MAN1A2: variants seen among roughly 807,000 people sequenced by gnomAD.
MAN1A2 encodes the protein mannosyl-oligosaccharide 1,2-alpha-mannosidase IB.
MAN1A2 carries 26 observed loss-of-function variants against 75.7 expected under a neutral mutation model. The observed-to-expected ratio is 0.34, with a 90% CI of 0.25 to 0.48. The LOEUF (loss-of-function observed/expected upper bound fraction) is 0.48. Among genes scored for constraint, MAN1A2 ranks in the 20% least tolerant of loss-of-function variants. The pLI is 0.99. For missense variants in MAN1A2, 562 were observed against 775.5 expected, an observed-to-expected ratio of 0.72 and a Z score of 3.27; for synonymous variants, 247 against 264.6, an observed-to-expected ratio of 0.93 and a Z score of 0.65.
intron 1 of MAN1A2, among the ~76,000 whole-genome samples, chr1:117,375,605 A>G (rs1365241558): frequency 6.6e-6 from 1 of 152,192 alleles, no homozygotes; most frequent in Admixed American, 6.5e-5. Flanking sequence ...TTTGTTCAGC[A>G]AGTGTTTTGA....
intron 5 of MAN1A2, among the ~76,000 whole-genome samples, chr1:117,432,654 T>C (rs1648708307): frequency 1.3e-5 from 2 of 152,142 alleles, no homozygotes. Context: ...CCAAGTTAAA[T>C]GGCTTTATTG....
intron 6 of MAN1A2, among the ~76,000 whole-genome samples, chr1:117,452,168 A>G (rs919766155): frequency 3.9e-5 from 6 of 151,914 alleles, no homozygotes; most frequent in Non-Finnish European, 8.8e-5. Context: ...CTCGCTGGGC[A>G]TGGTGGTGCA....
chr1:117,390,588 T>A (rs981264072), intron 1 of MAN1A2, among the ~76,000 whole-genome samples: 2 of 151,888 alleles, frequency 1.3e-5, no homozygotes, highest in African/African-American at 4.8e-5. Flanking sequence ...TTTTTCTCTG[T>A]TCTTTTGTTT....
intron 8 of MAN1A2, among the ~76,000 whole-genome samples, chr1:117,488,213 CTT>C: frequency 6.9e-6 from 1 of 145,548 alleles, no homozygotes; most frequent in African/African-American, 2.5e-5. Flanking sequence ...AAGCAAATGG[CTT>C]TTTTTTTTTT....
chr1:117,403,224 A>G (rs1647501715), intron 2 of MAN1A2, among the ~76,000 whole-genome samples: 1 of 152,242 alleles, frequency 6.6e-6, no homozygotes, highest in Non-Finnish European at 1.5e-5. Context: ...GTAATCAAAT[A>G]TCTATTTGGA....
At chr1:117,508,391 T>C (rs1314187153) in intron 12 of MAN1A2, among the ~76,000 whole-genome samples, 2 of 151,644 alleles carry the variant, frequency 1.3e-5, no homozygotes, top group Non-Finnish European at 3.0e-5. Context: ...ACAGTATGTC[T>C]ACTTTCACTG....
At chr1:117,507,277 G>A (rs957912238) in intron 12 of MAN1A2, among the ~76,000 whole-genome samples, 2 of 151,654 alleles carry the variant, frequency 1.3e-5, no homozygotes, top group South Asian at 2.1e-4. Context: ...ATAAAGTCTC[G>A]TAGATCTGGA....
chr1:117,484,915 CTA>C (rs1557969925), intron 8 of MAN1A2, among the ~76,000 whole-genome samples: 1 of 151,886 alleles, frequency 6.6e-6, no homozygotes, highest in African/African-American at 2.4e-5. Flanking sequence ...TGTGGCTTGT[CTA>C]TATGTTTTTC....
At chr1:117,466,838 A>G (rs903422794) in intron 8 of MAN1A2, among the ~76,000 whole-genome samples, 1 of 152,160 alleles carries the variant, frequency 6.6e-6, no homozygotes, top group Non-Finnish European at 1.5e-5. Flanking sequence ...CTGTTCATTC[A>G]TTTTAGAAGA....
At chr1:117,477,759 A>G (rs544903394) in intron 8 of MAN1A2, among the ~76,000 whole-genome samples, 1 of 152,118 alleles carries the variant, frequency 6.6e-6, no homozygotes, top group African/African-American at 2.4e-5. Flanking sequence ...ACTCCCATAC[A>G]ACATAGTACT....
intron 3 of MAN1A2, among the ~76,000 whole-genome samples, chr1:117,407,142 C>T (rs1419357125): frequency 2.0e-5 from 3 of 152,002 alleles, no homozygotes; most frequent in African/African-American, 4.8e-5. Context: ...TTTCAGTAGT[C>T]AAAATTAGGT....
At chr1:117,401,583 G>C (rs1315420279) in intron 1 of MAN1A2, among the ~76,000 whole-genome samples, 1 of 152,164 alleles carries the variant, frequency 6.6e-6, no homozygotes, top group Admixed American at 6.5e-5. Context: ...GTGTACACCA[G>C]AATCATCTGA....
intron 1 of MAN1A2, among the ~76,000 whole-genome samples, chr1:117,387,173 A>C (rs1653555707): frequency 6.6e-6 from 1 of 151,688 alleles, no homozygotes; most frequent in Non-Finnish European, 1.5e-5. Context: ...ATAAAGCAAA[A>C]CCACAATAAG....
chr1:117,522,174 T>A (rs1651887184), intron 12 of MAN1A2, among the ~76,000 whole-genome samples: 1 of 151,804 alleles, frequency 6.6e-6, no homozygotes, highest in South Asian at 2.1e-4. Flanking sequence ...CCCCAGTAAC[T>A]TATGGAAAAA....
intron 8 of MAN1A2, among the ~76,000 whole-genome samples, chr1:117,475,058 G>A (rs1302971694): frequency 6.6e-6 from 1 of 151,930 alleles, no homozygotes; most frequent in East Asian, 1.9e-4. Flanking sequence ...ACCATAGTTT[G>A]TTTATCCATT....
At chr1:117,423,081 A>G (rs1464456530) in intron 5 of MAN1A2, among the ~76,000 whole-genome samples, 2 of 152,158 alleles carry the variant, frequency 1.3e-5, no homozygotes, top group Non-Finnish European at 2.9e-5. Flanking sequence ...TTTTGAGTTA[A>G]ATCCTATATA....
chr1:117,392,458 TA>T (rs1653754485), intron 1 of MAN1A2, among the ~76,000 whole-genome samples: 1 of 152,338 alleles, frequency 6.6e-6, no homozygotes, highest in Admixed American at 6.5e-5. Flanking sequence ...ATGTATATCT[TA>T]CCTTTTCTAT....
At chr1:117,508,648 A>G (rs143218467) in intron 12 of MAN1A2, among the ~76,000 whole-genome samples, 2 of 151,834 alleles carry the variant, frequency 1.3e-5, no homozygotes, top group African/African-American at 4.8e-5. Flanking sequence ...TTATTTGTTC[A>G]ATAATAGCTG....
chr1:117,397,124 C>A (rs1293495907), intron 1 of MAN1A2, among the ~76,000 whole-genome samples: 1 of 152,068 alleles, frequency 6.6e-6, no homozygotes, highest in East Asian at 1.9e-4. Flanking sequence ...CTCTTAGGAC[C>A]AGTCTGGTTA....
Sources: gnomAD v4.1 joint callset for allele counts (sites outside exome capture counted in the v4.1 genomes callset) on GRCh38, gnomAD v4.1.1 for gene constraint, MANE v1.5 for transcripts, NCBI Gene and HGNC (gene_info 2026-07-23, HGNC 2026-07-21) for gene names.